ANXA8: variants seen among roughly 807,000 people sequenced by gnomAD.
ANXA8 encodes VAC-beta.
ANXA8 carries 9 observed loss-of-function variants against 26.8 expected under a neutral mutation model. The ratio of observed to expected loss-of-function variants is 0.34; its 90% CI spans 0.20 to 0.59. The LOEUF (loss-of-function observed/expected upper bound fraction) is 0.59. Among genes scored for constraint, ANXA8 ranks in the 20% least tolerant of loss-of-function variants. The pLI is 0.84. For missense variants in ANXA8, 83 were observed against 238.5 expected (o/e 0.35, Z 4.29); for synonymous variants, 39 against 94.8 (o/e 0.41, Z 3.42).
the ANXA8 span, among the ~76,000 whole-genome samples, chr10:47,671,025 G>A: frequency 1.3e-5 from 2 of 151,638 alleles, no homozygotes; most frequent in African/African-American, 2.4e-5. Flanking sequence ...AAGTTGGCCT[G>A]CTTCCAAAAT....
the ANXA8 span, among the ~76,000 whole-genome samples, chr10:47,710,923 G>A: frequency 4.6e-5 from 6 of 129,406 alleles, no homozygotes; most frequent in African/African-American, 1.9e-4. Context: ...TTAATTAATG[G>A]TGGTGAAATA....
At chr10:47,904,598 T>C in the ANXA8 span, among the ~76,000 whole-genome samples, 1 of 53,830 alleles carries the variant, frequency 1.9e-5, no homozygotes, top group Non-Finnish European at 3.5e-5. Context: ...GTTTCTTAAT[T>C]AGATTACTGG....
the ANXA8 span, among the ~76,000 whole-genome samples, chr10:47,604,307 TATATATC>T: frequency 3.3e-5 from 5 of 151,532 alleles, no homozygotes; most frequent in African/African-American, 4.8e-5. Flanking sequence ...TATCATAACA[TATATATC>T]ATATATCATA....
At chr10:47,550,144 G>A in the ANXA8 span, among the ~76,000 whole-genome samples, 52 of 150,982 alleles carry the variant, frequency 3.4e-4, 1 homozygote, top group African/African-American at 4.9e-4. Context: ...ATATGGATGC[G>A]CCAAAGATAA....
the ANXA8 span, among the ~76,000 whole-genome samples, chr10:47,707,362 G>GGTCCC: frequency 2.1e-5 from 3 of 142,624 alleles, no homozygotes; most frequent in African/African-American, 4.9e-5. Flanking sequence ...ACCAAAAATT[G>GGTCCC]AAAAGTGGGA....
chr10:47,624,259 A>AG, the ANXA8 span, among the ~76,000 whole-genome samples: 1 of 103,006 alleles, frequency 9.7e-6, no homozygotes, highest in Non-Finnish European at 2.1e-5. Context: ...AAAAAAAAAA[A>AG]AAAAAGAAGT....
chr10:47,581,035 C>T, the ANXA8 span, among the ~76,000 whole-genome samples: 3 of 150,256 alleles, frequency 2.0e-5, no homozygotes, highest in African/African-American at 2.5e-5. Context: ...GAGATCACGC[C>T]GCTGCACTCA....
the ANXA8 span, among the ~76,000 whole-genome samples, chr10:47,955,687 T>G: frequency 1.4e-5 from 2 of 144,092 alleles, no homozygotes; most frequent in Non-Finnish European, 3.0e-5. Flanking sequence ...TTGCTCTGGA[T>G]GAGCTAGTGA....
chr10:47,957,926 A>G, the ANXA8 span, among the ~76,000 whole-genome samples: 1 of 150,594 alleles, frequency 6.6e-6, no homozygotes, highest in South Asian at 2.1e-4. Flanking sequence ...TAAGAAGACA[A>G]ACAACTTAAT....
At chr10:47,666,930 A>G in the ANXA8 span, among the ~76,000 whole-genome samples, 27 of 152,170 alleles carry the variant, frequency 1.8e-4, 1 homozygote, top group African/African-American at 6.5e-4. Context: ...AATTATTTGC[A>G]TGATTTGCTG....
At chr10:47,753,115 T>C in the ANXA8 span, 1 of 978,788 alleles carries the variant, frequency 1.0e-6, no homozygotes, top group Non-Finnish European at 1.2e-6. Flanking sequence ...TCTCAAAAAA[T>C]TAAAATAAAA....
chr10:47,676,230 A>T, the ANXA8 span, among the ~76,000 whole-genome samples: 4 of 151,774 alleles, frequency 2.6e-5, no homozygotes, highest in African/African-American at 9.7e-5. Flanking sequence ...GGAGTTTCAG[A>T]AGGAGAGAAG....
chr10:47,673,199 T>C, the ANXA8 span, among the ~76,000 whole-genome samples: 59 of 151,756 alleles, frequency 3.9e-4, no homozygotes, highest in East Asian at 3.9e-4. Flanking sequence ...TCACTGAATG[T>C]TCAGGAGTAG....
the ANXA8 span, among the ~76,000 whole-genome samples, chr10:47,561,473 C>T: frequency 6.6e-6 from 1 of 151,846 alleles, no homozygotes; most frequent in Non-Finnish European, 1.5e-5. Flanking sequence ...GAAACTTATT[C>T]CTCCTGTCTA....
At chr10:47,625,570 T>C in the ANXA8 span, among the ~76,000 whole-genome samples, 1 of 151,060 alleles carries the variant, frequency 6.6e-6, no homozygotes, top group Non-Finnish European at 1.5e-5. Context: ...GTCTGAGAGA[T>C]CTTGCCCCGT....
At chr10:47,624,158 C>A in the ANXA8 span, among the ~76,000 whole-genome samples, 1 of 98,268 alleles carries the variant, frequency 1.0e-5, no homozygotes, top group East Asian at 2.4e-4. Context: ...AGGAGAATGG[C>A]GTGAACCCAG....
At chr10:47,671,377 G>A in the ANXA8 span, among the ~76,000 whole-genome samples, 31 of 151,846 alleles carry the variant, frequency 2.0e-4, no homozygotes, top group Non-Finnish European at 3.4e-4. Flanking sequence ...AGCCGAGATC[G>A]TAGCACTGCA....
chr10:47,666,089 T>A, the ANXA8 span, among the ~76,000 whole-genome samples: 2 of 150,270 alleles, frequency 1.3e-5, no homozygotes, highest in Admixed American at 6.6e-5. Flanking sequence ...AGAACAAGAA[T>A]CTTTAGAAAT....
the ANXA8 span, among the ~76,000 whole-genome samples, chr10:47,673,088 C>CGTAT: frequency 6.7e-6 from 1 of 150,024 alleles, no homozygotes; most frequent in South Asian, 2.1e-4. Context: ...TTAATGGCCA[C>CGTAT]GTATGGGCTG....
Sources: allele counts gnomAD v4.1 joint callset (sites outside exome capture counted in the v4.1 genomes callset), GRCh38; gene constraint gnomAD v4.1.1; transcripts MANE v1.5; gene names NCBI Gene and HGNC (gene_info 2026-07-23, HGNC 2026-07-21).